The following CNTNAP5 variants were observed in gnomAD, a reference collection of about 807,000 sequenced individuals.
The protein encoded by CNTNAP5 is contactin associated protein family member 5.
A neutral mutation model predicts 150.2 loss-of-function variants in CNTNAP5; 72 were observed. That is an observed-to-expected ratio of 0.48 (90% CI 0.40 to 0.58). The LOEUF is 0.58. CNTNAP5 is among the 20% of genes least tolerant of loss of function. The probability of loss-of-function intolerance (pLI) is 0.00; values close to 1 mark genes in which losing one functional copy is unlikely to be tolerated. For synonymous variants in CNTNAP5, 672 were observed against 619.8 expected (o/e 1.08, Z -1.25); for missense variants, 1,636 against 1,626.2 (o/e 1.01, Z -0.10).
intron 19 of CNTNAP5, among the ~76,000 whole-genome samples, chr2:124,853,525 G>C (rs1306399584): frequency 6.6e-6 from 1 of 152,168 alleles, no homozygotes; most frequent in Non-Finnish European, 1.5e-5. Context: ...CAGGTACGGT[G>C]AGATCCAGCT....
rs1280462338 is a variant in CNTNAP5 at position 124,811,971 on chromosome 2, A to ATATT, written c.3217+13651_3217+13652insTATT. On this transcript the variant is annotated intron_variant, in intron 19 of 23. Coordinates refer to ENST00000682447, the MANE Select transcript of CNTNAP5 (RefSeq NM_001367498.1). ...AAATATATATATATATATTTTTTAT[A>ATATT]ATATATATAAAATTTATATTTATAT... 2.0e-3 allele frequency among the ~76,000 whole-genome samples: 233 copies of ATATT among 115,130 alleles called. 3 individuals carry two copies. Among genetic ancestry groups the ATATT allele is most frequent in the Non-Finnish European group, 3.4e-3 (201 of 59,458 alleles). 75.5% of individuals were successfully genotyped at this position (115,130 alleles called of 152,430 possible). A position where few individuals can be genotyped will look rare whatever the true frequency, so the allele number is the denominator to read the frequency against.
chr2:124,095,873 T>G (rs1682923442), intron 1 of CNTNAP5, among the ~76,000 whole-genome samples: 1 of 152,222 alleles, frequency 6.6e-6, no homozygotes, highest in South Asian at 2.1e-4. Context: ...TTAGTTAATC[T>G]TTAACACTCT....
Position 124,645,523 on chromosome 2 carries a change from G to A in CNTNAP5, c.1877-2235G>A, listed in dbSNP as rs561943623. On this transcript the variant is annotated intron_variant, in intron 12 of 23. Transcript: ENST00000682447. ...GCCAAGGCTGCAGTGAGCCACGATCGTGCCACTGTCCTCCAGCCTGGGCAA... is the reference window on the plus strand; with the variant it reads ...GCCAAGGCTGCAGTGAGCCACGATCATGCCACTGTCCTCCAGCCTGGGCAA... 1.1e-3 allele frequency among the ~76,000 whole-genome samples: 170 copies of A among 152,170 alleles called. 1 individual carries two copies. Among genetic ancestry groups the A allele is most frequent in the African/African-American group, 4.0e-3 (164 of 41,502 alleles).
chr2:124,740,710 A>T (rs1249518851), intron 13 of CNTNAP5, among the ~76,000 whole-genome samples: 2 of 152,208 alleles, frequency 1.3e-5, no homozygotes, highest in Non-Finnish European at 2.9e-5. Context: ...AAAATGCTAT[A>T]TAACCAGTTG....
intron 3 of CNTNAP5, among the ~76,000 whole-genome samples, chr2:124,405,148 G>A (rs948797889): frequency 6.6e-6 from 1 of 152,126 alleles, no homozygotes; most frequent in African/African-American, 2.4e-5. Context: ...ATTTTGCAGT[G>A]TGTTCTTGCC....
At chr2:124,476,145 G>A (rs1477523243) in intron 7 of CNTNAP5, among the ~76,000 whole-genome samples, 1 of 151,886 alleles carries the variant, frequency 6.6e-6, no homozygotes, top group Non-Finnish European at 1.5e-5. Flanking sequence ...AATTTCCATT[G>A]ACATCCCTTT....
chr2:124,671,455 T>A (rs930876436), intron 13 of CNTNAP5, among the ~76,000 whole-genome samples: 3 of 152,184 alleles, frequency 2.0e-5, no homozygotes, highest in African/African-American at 7.2e-5. Context: ...TAAAGAAAAT[T>A]ATTTTTTTAA....
chr2:124,508,251 T>G (rs1034886047), intron 8 of CNTNAP5, among the ~76,000 whole-genome samples: 4 of 152,258 alleles, frequency 2.6e-5, no homozygotes, highest in African/African-American at 4.8e-5. Flanking sequence ...AAGTTAAGAA[T>G]GAATTTGTGC....
At chr2:124,800,998 T>C (rs1681955118) in intron 19 of CNTNAP5, among the ~76,000 whole-genome samples, 1 of 152,120 alleles carries the variant, frequency 6.6e-6, no homozygotes, top group South Asian at 2.1e-4. Flanking sequence ...GTCCAGGACA[T>C]TGTTGTTAAT....
chr2:124,699,125 G>C (rs1293498799), intron 13 of CNTNAP5, among the ~76,000 whole-genome samples: 1 of 152,118 alleles, frequency 6.6e-6, no homozygotes, highest in Non-Finnish European at 1.5e-5. Context: ...TGAGAGAGAG[G>C]GAGAAGCCAG....
At chr2:124,748,171 A>T (rs1680649686) in intron 14 of CNTNAP5, among the ~76,000 whole-genome samples, 1 of 152,104 alleles carries the variant, frequency 6.6e-6, no homozygotes, top group African/African-American at 2.4e-5. Context: ...GGAAATGTAT[A>T]TTTATTAAGC....
At chr2:124,543,300 T>A (rs1331718894) in intron 10 of CNTNAP5, among the ~76,000 whole-genome samples, 1 of 131,478 alleles carries the variant, frequency 7.6e-6, no homozygotes, top group Admixed American at 8.3e-5. Flanking sequence ...CATATTACAA[T>A]CTTGTGCCTT....
intron 3 of CNTNAP5, among the ~76,000 whole-genome samples, chr2:124,362,501 C>G (rs188703397): frequency 1.3e-5 from 2 of 152,316 alleles, no homozygotes; most frequent in Non-Finnish European, 2.9e-5. Context: ...CATTTTAAAA[C>G]CTAGACTCCT....
intron 2 of CNTNAP5, among the ~76,000 whole-genome samples, chr2:124,241,654 A>G (rs1184675065): frequency 6.6e-6 from 1 of 152,146 alleles, no homozygotes; most frequent in Non-Finnish European, 1.5e-5. Flanking sequence ...TAAATGAATG[A>G]TACTCTTCAA....
chr2:124,598,629 C>T (rs1295140398), intron 11 of CNTNAP5, among the ~76,000 whole-genome samples: 4 of 150,710 alleles, frequency 2.7e-5, no homozygotes, highest in Admixed American at 1.3e-4. Flanking sequence ...GAGGTGGAGC[C>T]TACAGAGGCA....
At chr2:124,795,606 C>A (rs570264091) in intron 18 of CNTNAP5, among the ~76,000 whole-genome samples, 6 of 152,288 alleles carry the variant, frequency 3.9e-5, no homozygotes, top group Admixed American at 3.9e-4. Context: ...CAACTCACGC[C>A]TCCTGGGTTC....
chr2:124,860,488 C>T (rs866838649), intron 19 of CNTNAP5, among the ~76,000 whole-genome samples: 3,024 of 84,322 alleles, frequency 0.036, 88 homozygotes, highest in Admixed American at 0.047. Flanking sequence ...TCCTTCCTTC[C>T]TTCCTTCCTT....
intron 1 of CNTNAP5, among the ~76,000 whole-genome samples, chr2:124,080,296 C>T (rs557829423): frequency 6.6e-6 from 1 of 152,262 alleles, no homozygotes; most frequent in Admixed American, 6.5e-5. Flanking sequence ...GCTAAAATTT[C>T]ATTCAAAAAT....
chr2:124,306,414 A>C (rs996998279), intron 3 of CNTNAP5, among the ~76,000 whole-genome samples: 6 of 152,124 alleles, frequency 3.9e-5, no homozygotes, highest in Admixed American at 1.3e-4. Flanking sequence ...TTCCCCCCCA[A>C]ATAAGTCTAT....
Sources: gnomAD v4.1 joint callset for allele counts (sites outside exome capture counted in the v4.1 genomes callset) on GRCh38, gnomAD v4.1.1 for gene constraint, MANE v1.5 for transcripts, NCBI Gene and HGNC (gene_info 2026-07-23, HGNC 2026-07-21) for gene names.